The following E2F6 variants were observed in gnomAD, a reference collection of about 807,000 sequenced individuals.
E2F6 encodes transcription factor E2F6.
Under a neutral mutation model 31.5 loss-of-function variants are expected in E2F6, and 19 were observed. The ratio of observed to expected loss-of-function variants is 0.60; its 90% CI spans 0.42 to 0.89. E2F6 has a LOEUF of 0.89. Ranked by LOEUF, E2F6 falls within the 40% of genes least tolerant of loss-of-function variation. The pLI, the probability that E2F6 is intolerant of heterozygous loss-of-function variation, is 0.00. For missense variants in E2F6, 269 were observed against 341.6 expected, an observed-to-expected ratio of 0.79 and a Z score of 1.67; for synonymous variants, 121 against 127.7, an observed-to-expected ratio of 0.95 and a Z score of 0.36.
chr2:11,459,540 C>A (rs1671633522), intron 1 of E2F6, among the ~76,000 whole-genome samples: 1 of 152,042 alleles, frequency 6.6e-6, no homozygotes, highest in African/African-American at 2.4e-5. Flanking sequence ...GGAATCACAA[C>A]AGTACCATTG....
At chr2:11,458,255 G>C in intron 1 of E2F6, 1 of 1,551,390 alleles carries the variant, frequency 6.4e-7, no homozygotes, top group Non-Finnish European at 8.7e-7. Flanking sequence ...AGCAGTACTA[G>C]GGATACACCC....
In E2F6 at chr2:11,453,817, A is replaced by T. The variant is rs376580781; in HGVS notation, c.164-19T>A. The T allele has an allele frequency of 2.5e-6, 4 of 1,587,460 alleles. No individual in the cohort carries two copies. In the African/African-American group the frequency reaches 5.4e-5, roughly 21 times the overall value. ...AGAGCTTCTGGGAAACAAAATAAAC[A>T]TATTTGTAAAATTTTAAATAACATT... On this transcript the variant is annotated intron_variant, in intron 2 of 6. Transcript: ENST00000381525.
chr2:11,457,132 G>A, intron 2 of E2F6, 47 bp downstream of exon 2: 1 of 1,311,436 alleles, frequency 7.6e-7, no homozygotes, highest in Non-Finnish European at 1.1e-6. Flanking sequence ...TTAATCATAA[G>A]AAGTTCAAAC....
intron 1 of E2F6, among the ~76,000 whole-genome samples, chr2:11,458,891 G>C (rs574949018): frequency 6.6e-6 from 1 of 152,136 alleles, no homozygotes; most frequent in South Asian, 2.1e-4. Context: ...GCTGGCCTTG[G>C]GGGTAGGGAC....
chr2:11,455,686 C>T (rs894051633), intron 2 of E2F6, among the ~76,000 whole-genome samples: 1 of 152,124 alleles, frequency 6.6e-6, no homozygotes, highest in Non-Finnish European at 1.5e-5. Flanking sequence ...ACATGTACAA[C>T]GGAACACCAA....
chr2:11,449,961 A>G, intron 5 of E2F6, 51 bp downstream of exon 5: 1 of 1,402,134 alleles, frequency 7.1e-7, no homozygotes, highest in Non-Finnish European at 1.0e-6. Context: ...CAGCCTAAGC[A>G]GTCGGCCCTC....
intron 1 of E2F6, 116 bp from the exon 2 acceptor site, chr2:11,457,349 G>C: frequency 1.4e-6 from 1 of 694,282 alleles, no homozygotes; most frequent in Non-Finnish European, 2.4e-6. Flanking sequence ...TTACTGGCTG[G>C]GCAGAGGCTC....
At chr2:11,450,772 T>C (rs1223012548) in intron 4 of E2F6, among the ~76,000 whole-genome samples, 1 of 152,146 alleles carries the variant, frequency 6.6e-6, no homozygotes, top group Admixed American at 6.5e-5. Flanking sequence ...GCTGCAGTAA[T>C]GTTGGTGCTT....
chr2:11,453,256 T>C (rs767624222), intron 3 of E2F6, among the ~76,000 whole-genome samples: 7 of 152,160 alleles, frequency 4.6e-5, no homozygotes, highest in Non-Finnish European at 1.0e-4. Context: ...AGAATGTACT[T>C]TCCTGCTTTC....
chr2:11,450,033 C>T lies in E2F6; in HGVS notation c.630G>A (p.Leu210=). The T allele has an allele frequency of 6.2e-7, 1 of 1,612,720 alleles. No homozygotes were observed. Among genetic ancestry groups the T allele is most frequent in the Non-Finnish European group, 8.5e-7 (1 of 1,179,166 alleles). ...IAVKAPAETR[L]DVPAPREDSI... ...CTACTTCTCTGGGAGCTGGAACATC[C>T]AATCTGGTTTCTGCTGGAGCTTTAA... Residue 210 remains leucine (L), a synonymous_variant, in exon 5 of 7, where the codon TTG becomes TTA. Coordinates refer to ENST00000381525, the MANE Select transcript of E2F6 (RefSeq NM_198256.4).
intron 1 of E2F6, 65 bp downstream of exon 1, chr2:11,465,707 G>A (rs1672148268): frequency 6.6e-7 from 1 of 1,516,374 alleles, no homozygotes. Context: ...GTTGGCGGCG[G>A]CGCGGGGAGG....
At chr2:11,449,037 G>A (rs1006082492) in intron 5 of E2F6, among the ~76,000 whole-genome samples, 6 of 152,206 alleles carry the variant, frequency 3.9e-5, no homozygotes, top group African/African-American at 1.4e-4. Flanking sequence ...CAAAGGCTCA[G>A]CCAGATTTAG....
At position 11,444,435 on chromosome 2, in the gene E2F6, G is replaced by A. The variant is rs569640786; in HGVS notation, c.*2042C>T. On this transcript the variant is annotated 3_prime_UTR_variant, in exon 7 of 7. Coordinates refer to ENST00000381525, the MANE Select transcript of E2F6 (RefSeq NM_198256.4). Reference sequence around the variant, plus strand: ...CATCTGTAATTTACAAAGGATTTTCGTTTACATGATCTCATTTTACCTTCA... The same window carrying A: ...CATCTGTAATTTACAAAGGATTTTCATTTACATGATCTCATTTTACCTTCA... 2.6e-5 allele frequency: 4 copies of A among 152,244 alleles called. No homozygotes were observed. Among genetic ancestry groups the A allele is most frequent in the African/African-American group, 7.2e-5 (3 of 41,550 alleles). The allele number at this position is 152,244 out of a possible 1,614,324, so 9.4% of individuals were successfully genotyped here.
At chr2:11,449,966 G>T in intron 5 of E2F6, 46 bp downstream of exon 5, 2 of 1,454,188 alleles carry the variant, frequency 1.4e-6, no homozygotes. Flanking sequence ...TAAGCAGTCG[G>T]CCCTCATCCC....
chr2:11,465,033 C>T (rs1672054345), intron 1 of E2F6, among the ~76,000 whole-genome samples: 1 of 151,854 alleles, frequency 6.6e-6, no homozygotes, highest in Non-Finnish European at 1.5e-5. Flanking sequence ...ACAAAATTAG[C>T]TGGGTGTGGT....
chr2:11,446,495 C>G lies in E2F6; in HGVS notation c.828G>C (p.Leu276Phe). The G allele has an allele frequency of 6.2e-7, 1 of 1,612,912 alleles. No individual in the cohort carries two copies. Among genetic ancestry groups the G allele is most frequent in the Non-Finnish European group, 8.5e-7 (1 of 1,179,308 alleles). The stretch of plus-strand genomic sequence containing the variant: ...AATGCCATCAGTTGCTTACTTCAAG[C>G]AATTCTTCACTTTGCTGAGGATTTT... ...EEENPQQSEE[L>F]LEVSN The change falls in exon 7 of 7, where the codon TTG (leucine) becomes TTC (phenylalanine). Residue 276 changes from leucine to phenylalanine, a missense_variant. Physicochemically the swap from Leu to Phe is conservative, Grantham distance 22 (BLOSUM62 0). Coordinates refer to ENST00000381525, the MANE Select transcript of E2F6 (RefSeq NM_198256.4).
chr2:11,454,994 C>T (rs551249228), intron 2 of E2F6, among the ~76,000 whole-genome samples: 13 of 152,304 alleles, frequency 8.5e-5, no homozygotes, highest in Admixed American at 1.3e-4. Context: ...TCCAACTTTA[C>T]GATTTTGCTT....
rs1417532443 is a variant in E2F6 at position 11,450,029 on chromosome 2, C to T, written c.634G>A (p.Val212Ile). Residue 212 changes from valine to isoleucine, a missense_variant, in exon 5 of 7, where the codon GTT becomes ATT. Coordinates refer to ENST00000381525, the MANE Select transcript of E2F6 (RefSeq NM_198256.4). ...VKAPAETRLD[V>I]PAPREDSITV... ...TTACCTACTTCTCTGGGAGCTGGAA[C>T]ATCCAATCTGGTTTCTGCTGGAGCT... The T allele has an allele frequency of 1.2e-6, 2 of 1,612,436 alleles. No individual in the cohort carries two copies. The highest frequency in any genetic ancestry group is 1.7e-6 in the Non-Finnish European group (2 of 1,178,944).
At chr2:11,447,420 A>C (rs921840820) in intron 6 of E2F6, among the ~76,000 whole-genome samples, 1 of 152,180 alleles carries the variant, frequency 6.6e-6, no homozygotes, top group African/African-American at 2.4e-5. Flanking sequence ...GACCAAACAG[A>C]ATTCTAAGTT....
Sources: allele counts gnomAD v4.1 joint callset (sites outside exome capture counted in the v4.1 genomes callset), GRCh38; gene constraint gnomAD v4.1.1; transcripts MANE v1.5; gene names NCBI Gene and HGNC (gene_info 2026-07-23, HGNC 2026-07-21).